The following INSR variants were observed in gnomAD, a reference collection of about 807,000 sequenced individuals.
INSR encodes insulin receptor, also known as IR.
A neutral mutation model predicts 142.6 loss-of-function variants in INSR; 67 were observed. That is an observed-to-expected ratio of 0.47 (90% confidence interval 0.39 to 0.58). INSR has a LOEUF of 0.58. INSR is among the 20% of genes least tolerant of loss of function. The pLI is 0.00. For missense variants in INSR, 1,248 were observed against 1,833.2 expected (o/e 0.68, Z 5.83); for synonymous variants, 756 against 743.1 (o/e 1.02, Z -0.28).
At chr19:7,171,917 CT>C (rs375076576) in intron 5 of INSR, among the ~76,000 whole-genome samples, 93 of 137,516 alleles carry the variant, frequency 6.8e-4, no homozygotes, top group Middle Eastern at 3.7e-3. Flanking sequence ...CTTTTCTTTT[CT>C]TTTTTTTTTT....
intron 1 of INSR, among the ~76,000 whole-genome samples, chr19:7,284,139 A>G (rs1434024971): frequency 6.6e-6 from 1 of 151,698 alleles, no homozygotes; most frequent in Non-Finnish European, 1.5e-5. Context: ...GCCTTGGCTC[A>G]CTGCAACCTT....
intron 2 of INSR, among the ~76,000 whole-genome samples, chr19:7,231,139 C>T (rs1021722965): frequency 3.3e-5 from 5 of 152,118 alleles, no homozygotes; most frequent in African/African-American, 9.7e-5. Context: ...ACAGCCTGTG[C>T]GCCACGGAGG....
At chr19:7,185,089 C>A (rs1209539482) in intron 2 of INSR, among the ~76,000 whole-genome samples, 1 of 152,172 alleles carries the variant, frequency 6.6e-6, no homozygotes, top group African/African-American at 2.4e-5. Context: ...AGTAAATAAC[C>A]TCAACAGCAC....
rs977785674 is a variant in INSR at position 7,119,778 on chromosome 19, G to A, written c.3660-195C>T. On this transcript the variant is annotated intron_variant, in intron 20 of 21. Transcript: ENST00000302850. This position sits in a 1 kb window ranked among gnomAD's most constrained non-coding sequence, Gnocchi z 5.2. ...TGCAAATACACACAAACACGCATGC[G>A]CACACATGCACACACAAATATGCAA... 1.5e-4 allele frequency among the ~76,000 whole-genome samples: 17 copies of A among 112,314 alleles called. No homozygotes were observed. The highest frequency in any genetic ancestry group is 3.5e-4 in the Admixed American group (4 of 11,292). 73.7% of individuals were successfully genotyped at this position (112,314 alleles called of 152,430 possible). A position where few individuals can be genotyped will look rare whatever the true frequency, so the allele number is the denominator to read the frequency against.
chr19:7,136,968 G>A (rs576831384), intron 13 of INSR, among the ~76,000 whole-genome samples: 3 of 151,612 alleles, frequency 2.0e-5, no homozygotes, highest in Admixed American at 2.0e-4. Flanking sequence ...GAGTAGTTGG[G>A]ATTACAGGCG....
At position 7,225,781 on chromosome 19, in the gene INSR, A is replaced by G. The variant is rs1319006904; in HGVS notation, c.653-41144T>C. ...CAGCACCCTGGTCCAGGGGTCCTCA[A>G]ATGGAGGCGATTCTGCCCACCAGGA... On this transcript the variant is annotated intron_variant, in intron 2 of 21. Coordinates refer to ENST00000302850, the MANE Select transcript of INSR (RefSeq NM_000208.4). This position sits in a 1 kb window ranked among gnomAD's most constrained non-coding sequence, Gnocchi z 4.7. 1.3e-5 allele frequency among the ~76,000 whole-genome samples: 2 copies of G among 152,062 alleles called. No individual in the cohort carries two copies. The highest frequency in any genetic ancestry group is 4.8e-5 in the African/African-American group (2 of 41,430).
intron 2 of INSR, among the ~76,000 whole-genome samples, chr19:7,239,491 G>A (rs1976272626): frequency 6.6e-6 from 1 of 152,038 alleles, no homozygotes; most frequent in South Asian, 2.1e-4. Context: ...ATACCTTAAT[G>A]CATCACTGGT....
At chr19:7,243,056 A>G (rs1005534995) in intron 2 of INSR, among the ~76,000 whole-genome samples, 1 of 152,020 alleles carries the variant, frequency 6.6e-6, no homozygotes, top group Non-Finnish European at 1.5e-5. Flanking sequence ...CAATAAAGAC[A>G]TACAAGGAGC....
At chr19:7,176,256 C>A (rs1974132472) in intron 3 of INSR, among the ~76,000 whole-genome samples, 1 of 152,134 alleles carries the variant, frequency 6.6e-6, no homozygotes, top group Admixed American at 6.6e-5. Flanking sequence ...GGCACCATAC[C>A]CCTTGGCAGT....
chr19:7,146,236 C>CTTTTTT (rs35961932), intron 11 of INSR, among the ~76,000 whole-genome samples: 8 of 110,718 alleles, frequency 7.2e-5, no homozygotes, highest in African/African-American at 2.4e-4. Context: ...TTGTCAAGTT[C>CTTTTTT]TTTTTTTTTT....
chr19:7,177,885 C>G (rs1294748754), intron 3 of INSR, among the ~76,000 whole-genome samples: 1 of 151,762 alleles, frequency 6.6e-6, no homozygotes, highest in Non-Finnish European at 1.5e-5. Context: ...GTGCATGAAA[C>G]CACAAGATTC....
intron 2 of INSR, among the ~76,000 whole-genome samples, chr19:7,218,309 T>G (rs1368223018): frequency 6.6e-6 from 1 of 151,866 alleles, no homozygotes; most frequent in Admixed American, 6.6e-5. Flanking sequence ...ACCAGAGAGA[T>G]AATCCAGCTC....
Position 7,166,525 on chromosome 19 carries a change from A to C in INSR, c.1611-121T>G. The C allele has an allele frequency of 1.8e-6, 2 of 1,097,440 alleles. No individual in the cohort carries two copies. Among genetic ancestry groups the C allele is most frequent in the Non-Finnish European group, 2.7e-6 (2 of 746,694 alleles). The allele number at this position is 1,097,440 out of a possible 1,614,324, so 68.0% of individuals were successfully genotyped here. On this transcript the variant is annotated intron_variant, in intron 7 of 21. Transcript: ENST00000302850. This position sits in a 1 kb window ranked among gnomAD's most constrained non-coding sequence, Gnocchi z 4.1. ...CACATGTTACTCACCCAACAATCTA[A>C]TGCCACAAGAAAAAATAACTCGGGA...
intron 2 of INSR, among the ~76,000 whole-genome samples, chr19:7,264,057 T>C (rs1977146202): frequency 1.3e-5 from 2 of 151,758 alleles, no homozygotes; most frequent in Non-Finnish European, 2.9e-5. Context: ...TAATCCTAGC[T>C]ACTCGGGAGG....
intron 11 of INSR, among the ~76,000 whole-genome samples, chr19:7,143,874 G>C (rs1383303717): frequency 6.6e-6 from 1 of 152,080 alleles, no homozygotes; most frequent in African/African-American, 2.4e-5. Context: ...GGCCAACATG[G>C]GGAAACCCCG....
Position 7,267,324 on chromosome 19 carries a change from A to C in INSR, c.652+21T>G. Reference sequence around the variant, plus strand: ...GAACAAGGCACGAGACACTGCTTAGAACCCTGTATCCCCGGCGTACCTTTC... The same window carrying C: ...GAACAAGGCACGAGACACTGCTTAGCACCCTGTATCCCCGGCGTACCTTTC... On this transcript the variant is annotated intron_variant, in intron 2 of 21. Coordinates refer to ENST00000302850, the MANE Select transcript of INSR (RefSeq NM_000208.4). This position sits in a 1 kb window ranked among gnomAD's most constrained non-coding sequence, Gnocchi z 6.3. 6.2e-7 allele frequency: 1 copy of C among 1,612,852 alleles called. No individual in the cohort carries two copies. The highest frequency in any genetic ancestry group is 1.1e-5 in the South Asian group (1 of 91,042).
At chr19:7,197,276 G>A (rs999151733) in intron 2 of INSR, among the ~76,000 whole-genome samples, 3 of 152,248 alleles carry the variant, frequency 2.0e-5, no homozygotes, top group Admixed American at 6.5e-5. Flanking sequence ...GAGTACCAGA[G>A]GGCCTTCCCG....
chr19:7,231,261 G>A (rs189645433), intron 2 of INSR, among the ~76,000 whole-genome samples: 43 of 151,194 alleles, frequency 2.8e-4, no homozygotes, highest in Admixed American at 1.7e-3. Flanking sequence ...TCGTTCAAAC[G>A]CTTTGTGTTG....
chr19:7,261,366 G>C (rs981170979), intron 2 of INSR, among the ~76,000 whole-genome samples: 2 of 152,068 alleles, frequency 1.3e-5, no homozygotes, highest in Non-Finnish European at 2.9e-5. Context: ...TAAACGAACT[G>C]CATAGACCCC....
Sources: gnomAD v4.1 joint callset for allele counts (sites outside exome capture counted in the v4.1 genomes callset) on GRCh38, gnomAD v4.1.1 for gene constraint, Gnocchi (gnomAD v3.1) non-coding constraint, MANE v1.5 for transcripts, NCBI Gene and HGNC (gene_info 2026-07-23, HGNC 2026-07-21) for gene names.